MFHAS1: variants seen among roughly 807,000 people sequenced by gnomAD.
MFHAS1 encodes the protein malignant fibrous histiocytoma-amplified sequence 1.
MFHAS1 carries 50 observed loss-of-function variants against 70.4 expected under a neutral mutation model. The observed-to-expected ratio is 0.71, with a 90% CI of 0.57 to 0.90. The LOEUF (loss-of-function observed/expected upper bound fraction) is 0.90. MFHAS1 is among the 40% of genes least tolerant of loss of function. The pLI is 0.00. For synonymous variants in MFHAS1, 952 were observed against 620.0 expected (o/e 1.54, Z -7.96); for missense variants, 1,795 against 1,347.6 (o/e 1.33, Z -5.20).
intron 1 of MFHAS1, among the ~76,000 whole-genome samples, chr8:8,859,598 G>T (rs1323300499): frequency 1.3e-5 from 2 of 152,132 alleles, no homozygotes; most frequent in African/African-American, 4.8e-5. Flanking sequence ...ACATGACAAG[G>T]ATGAAGACCT....
intron 1 of MFHAS1, among the ~76,000 whole-genome samples, chr8:8,876,749 G>A (rs573435460): frequency 6.6e-6 from 1 of 152,020 alleles, no homozygotes; most frequent in Admixed American, 6.5e-5. Context: ...AGATCATACT[G>A]TATTCCACCT....
intron 2 of MFHAS1, among the ~76,000 whole-genome samples, chr8:8,793,988 G>C (rs778696724): frequency 2.0e-5 from 3 of 152,148 alleles, no homozygotes; most frequent in Admixed American, 6.5e-5. Context: ...AGGAGTTCGA[G>C]ACCAGCCCAG....
At chr8:8,823,142 T>C (rs1359540682) in intron 1 of MFHAS1, among the ~76,000 whole-genome samples, 2 of 152,188 alleles carry the variant, frequency 1.3e-5, no homozygotes, top group Admixed American at 6.5e-5. Context: ...TCCTTTCAAA[T>C]TAGCTCAAGA....
intron 1 of MFHAS1, among the ~76,000 whole-genome samples, chr8:8,847,205 G>A (rs933869330): frequency 6.6e-6 from 1 of 151,914 alleles, no homozygotes; most frequent in African/African-American, 2.4e-5. Flanking sequence ...TTTTGAGACA[G>A]AGTTTTGCTC....
In MFHAS1 at chr8:8,893,187, C is replaced by A; in HGVS notation, c.-129G>T. On this transcript the variant is annotated 5_prime_UTR_variant, in exon 1 of 3. Coordinates refer to ENST00000276282, the MANE Select transcript of MFHAS1 (RefSeq NM_004225.3). ...CGCTCGGCGGCCGGCGGCCGCGGGTCCTAGCGCAGCCAGCGGCCGAGCGCT... is the reference window on the plus strand; with the variant it reads ...CGCTCGGCGGCCGGCGGCCGCGGGTACTAGCGCAGCCAGCGGCCGAGCGCT... 1 of 427,092 alleles carries A rather than the reference C, an allele frequency of 2.3e-6. No individual in the cohort carries two copies. The highest frequency in any genetic ancestry group is 3.5e-6 in the Non-Finnish European group (1 of 282,814). The allele number at this position is 427,092 out of a possible 1,614,324, so 26.5% of individuals were successfully genotyped here.
At chr8:8,792,937 G>T (rs1236958851) in intron 2 of MFHAS1, among the ~76,000 whole-genome samples, 4 of 152,190 alleles carry the variant, frequency 2.6e-5, no homozygotes, top group Non-Finnish European at 5.9e-5. Flanking sequence ...CATCTTAAAT[G>T]CAGATATCCT....
At chr8:8,867,787 G>A (rs1234746100) in intron 1 of MFHAS1, among the ~76,000 whole-genome samples, 8 of 152,028 alleles carry the variant, frequency 5.3e-5, no homozygotes, top group Admixed American at 5.3e-4. Flanking sequence ...TCGATCTCCT[G>A]ACCTCGTGAT....
intron 1 of MFHAS1, among the ~76,000 whole-genome samples, chr8:8,818,666 C>G (rs1228557324): frequency 6.6e-6 from 1 of 152,214 alleles, no homozygotes; most frequent in Non-Finnish European, 1.5e-5. Context: ...ATAATAGCAA[C>G]TCACTCAATG....
chr8:8,847,571 T>C (rs1808082677), intron 1 of MFHAS1, among the ~76,000 whole-genome samples: 1 of 152,236 alleles, frequency 6.6e-6, no homozygotes, highest in Non-Finnish European at 1.5e-5. Flanking sequence ...AAATTCATTA[T>C]TGATAAGACA....
At chr8:8,822,331 C>G (rs753969512) in intron 1 of MFHAS1, among the ~76,000 whole-genome samples, 106 of 152,310 alleles carry the variant, frequency 7.0e-4, no homozygotes, top group African/African-American at 2.5e-3. Flanking sequence ...GGAGCGAGTC[C>G]TCAGGGAGAG....
At position 8,785,982 on chromosome 8, in the gene MFHAS1, A is replaced by AT. The variant is rs772146762; in HGVS notation, c.*39dup. On this transcript the variant is annotated 3_prime_UTR_variant, in exon 3 of 3. Coordinates refer to ENST00000276282, the MANE Select transcript of MFHAS1 (RefSeq NM_004225.3). The stretch of plus-strand genomic sequence containing the variant: ...TGCAAAAGATGGTCCAGGTGTTCAG[A>AT]TGCTCTCTTTTCTCCATGGAAATTC... The AT allele has an allele frequency of 6.2e-7, 1 of 1,610,096 alleles. No individual in the cohort carries two copies. The highest frequency in any genetic ancestry group is 8.5e-7 in the Non-Finnish European group (1 of 1,176,496).
intron 1 of MFHAS1, among the ~76,000 whole-genome samples, chr8:8,823,396 G>C (rs1321714084): frequency 6.6e-6 from 1 of 152,210 alleles, no homozygotes; most frequent in East Asian, 1.9e-4. Flanking sequence ...GGGGCCCCGC[G>C]CTCCGATCCT....
intron 1 of MFHAS1, among the ~76,000 whole-genome samples, chr8:8,868,134 T>C (rs985818540): frequency 3.9e-5 from 6 of 152,066 alleles, no homozygotes; most frequent in Non-Finnish European, 8.8e-5. Flanking sequence ...GCACAGGCTC[T>C]GAGGGGGATT....
chr8:8,868,861 T>C lies in MFHAS1; in HGVS notation c.2998+21200A>G, dbSNP rs887925856. On this transcript the variant is annotated intron_variant, in intron 1 of 2. Coordinates refer to ENST00000276282, the MANE Select transcript of MFHAS1 (RefSeq NM_004225.3). The stretch of plus-strand genomic sequence containing the variant: ...ACTCAGATTCTAAAGAAATCTTTGC[T>C]AGGGGAAGAGAAAAAGGGAGAGGAA... 7.7e-4 allele frequency among the ~76,000 whole-genome samples: 117 copies of C among 152,220 alleles called. 2 individuals carry two copies. The highest frequency in any genetic ancestry group is 2.7e-3 in the African/African-American group (113 of 41,518).
Position 8,785,752 on chromosome 8 carries a change from TTTC to T in MFHAS1, c.*267_*269del. On this transcript the variant is annotated 3_prime_UTR_variant, in exon 3 of 3. Transcript: ENST00000276282. ...AGCCATTCGACTTTTTTTTTTTTTT[TTTC>T]TTTTCTTCAAGTAGCGCGCTCCTTG... 8.5e-6 allele frequency: 3 copies of T among 352,846 alleles called. No homozygotes were observed. The highest frequency in any genetic ancestry group is 1.0e-5 in the Non-Finnish European group (2 of 192,768). The allele number at this position is 352,846 out of a possible 1,614,324, so 21.9% of individuals were successfully genotyped here.
At chr8:8,832,301 A>C (rs1010413629) in intron 1 of MFHAS1, among the ~76,000 whole-genome samples, 1 of 152,160 alleles carries the variant, frequency 6.6e-6, no homozygotes, top group Non-Finnish European at 1.5e-5. Flanking sequence ...CTGGGAGAAC[A>C]TGTTTGTAAT....
chr8:8,871,035 CA>C (rs1047693770), intron 1 of MFHAS1, among the ~76,000 whole-genome samples: 1 of 152,112 alleles, frequency 6.6e-6, no homozygotes, highest in African/African-American at 2.4e-5. Flanking sequence ...GCTTTTCATT[CA>C]AATAACTACC....
At chr8:8,833,772 C>T (rs1291506547) in intron 1 of MFHAS1, among the ~76,000 whole-genome samples, 1 of 152,158 alleles carries the variant, frequency 6.6e-6, no homozygotes, top group Non-Finnish European at 1.5e-5. Context: ...ACTTTATTCA[C>T]ATTGCCAAAA....
chr8:8,798,926 T>C (rs981558377), intron 1 of MFHAS1, among the ~76,000 whole-genome samples: 7 of 151,922 alleles, frequency 4.6e-5, no homozygotes, highest in Non-Finnish European at 1.0e-4. Context: ...CAGGTGCCTG[T>C]AGTCCCAGCT....
Sources: allele counts gnomAD v4.1 joint callset (sites outside exome capture counted in the v4.1 genomes callset), GRCh38; gene constraint gnomAD v4.1.1; transcripts MANE v1.5; gene names NCBI Gene and HGNC (gene_info 2026-07-23, HGNC 2026-07-21).